Variants in GPR158 observed in about 807,000 individuals in gnomAD.
The protein encoded by GPR158 is G protein-coupled receptor 158.
In GPR158, 30 loss-of-function variants were observed where a neutral mutation model predicts 78.2. The ratio of observed to expected loss-of-function variants is 0.38; its 90% CI spans 0.29 to 0.52. GPR158 has a LOEUF of 0.52. GPR158 is among the 20% of genes least tolerant of loss of function. The pLI is 0.83. For missense variants in GPR158, 1,463 were observed against 1,523.5 expected (o/e 0.96, Z 0.66); for synonymous variants, 581 against 591.1 (o/e 0.98, Z 0.25).
At chr10:25,373,889 A>G (rs1040919923) in intron 2 of GPR158, among the ~76,000 whole-genome samples, 3 of 151,766 alleles carry the variant, frequency 2.0e-5, no homozygotes, top group Admixed American at 1.3e-4. Context: ...ACTTGAAAAG[A>G]ATGACATTTA....
chr10:25,339,328 T>C (rs1855271093), intron 2 of GPR158, among the ~76,000 whole-genome samples: 1 of 152,100 alleles, frequency 6.6e-6, no homozygotes, highest in Non-Finnish European at 1.5e-5. Flanking sequence ...TGTAATATCT[T>C]TAAAATTTTA....
chr10:25,473,181 T>C (rs1249647169), intron 5 of GPR158, among the ~76,000 whole-genome samples: 7 of 150,920 alleles, frequency 4.6e-5, no homozygotes. Flanking sequence ...TTGAATTTTG[T>C]CAAAGGCCTT....
At chr10:25,561,162 ATGC>A (rs1346239375) in intron 6 of GPR158, among the ~76,000 whole-genome samples, 1 of 152,190 alleles carries the variant, frequency 6.6e-6, no homozygotes, top group African/African-American at 2.4e-5. Context: ...TTAAGTAATG[ATGC>A]TATTATGCAA....
At chr10:25,390,779 CA>C (rs1411406138) in intron 2 of GPR158, among the ~76,000 whole-genome samples, 1 of 152,160 alleles carries the variant, frequency 6.6e-6, no homozygotes, top group African/African-American at 2.4e-5. Context: ...CAGAAATTTA[CA>C]TAAGTAACAA....
At chr10:25,225,701 G>C (rs964648460) in intron 2 of GPR158, among the ~76,000 whole-genome samples, 1 of 152,112 alleles carries the variant, frequency 6.6e-6, no homozygotes, top group Non-Finnish European at 1.5e-5. Flanking sequence ...CACTGGAGTG[G>C]TTGTGTTATC....
At chr10:25,399,155 G>A (rs920120424) in intron 3 of GPR158, among the ~76,000 whole-genome samples, 2 of 152,142 alleles carry the variant, frequency 1.3e-5, no homozygotes, top group Non-Finnish European at 1.5e-5. Flanking sequence ...AATGAGTGTC[G>A]AGCGAAGGGG....
intron 2 of GPR158, among the ~76,000 whole-genome samples, chr10:25,249,047 A>T (rs568144879): frequency 2.0e-4 from 30 of 151,480 alleles, no homozygotes; most frequent in Non-Finnish European, 4.0e-4. Context: ...TGTAAGTTGG[A>T]TTCCTTGGTA....
chr10:25,555,705 A>C (rs2130716673), intron 6 of GPR158, among the ~76,000 whole-genome samples: 1 of 152,250 alleles, frequency 6.6e-6, no homozygotes, highest in South Asian at 2.1e-4. Flanking sequence ...TGGTTTCTGA[A>C]GACTCTTGGG....
chr10:25,490,822 T>G (rs1035223112), intron 5 of GPR158, among the ~76,000 whole-genome samples: 3 of 151,906 alleles, frequency 2.0e-5, no homozygotes, highest in African/African-American at 7.3e-5. Flanking sequence ...ATGGGATGGC[T>G]GGGTCAAATG....
intron 4 of GPR158, among the ~76,000 whole-genome samples, chr10:25,417,668 G>A (rs1157786647): frequency 6.6e-6 from 1 of 152,162 alleles, no homozygotes; most frequent in African/African-American, 2.4e-5. Flanking sequence ...GTGAAGCTAT[G>A]TGCTATTATA....
chr10:25,256,672 G>A (rs1853893097), intron 2 of GPR158, among the ~76,000 whole-genome samples: 1 of 151,896 alleles, frequency 6.6e-6, no homozygotes, highest in Admixed American at 6.6e-5. Flanking sequence ...GTGACAGAGT[G>A]AGACTCTATT....
In GPR158 at chr10:25,399,874, T is replaced by C. The variant is rs1177967663; in HGVS notation, c.1111+3861T>C. 2.0e-5 allele frequency among the ~76,000 whole-genome samples: 3 copies of C among 152,322 alleles called. No homozygotes were observed. In the East Asian group the frequency reaches 5.8e-4, roughly 29 times the overall value. On this transcript the variant is annotated intron_variant, in intron 3 of 10. Coordinates refer to ENST00000376351, the MANE Select transcript of GPR158 (RefSeq NM_020752.3). ...CAAGTTATAGGGAATGTTATTTTTA[T>C]ACTTTCTTGATGAGGTATCTGTGAG...
chr10:25,507,445 G>A (rs941273569), intron 5 of GPR158, among the ~76,000 whole-genome samples: 1 of 152,148 alleles, frequency 6.6e-6, no homozygotes, highest in Non-Finnish European at 1.5e-5. Flanking sequence ...TAAAACATAG[G>A]TGATTGGGAG....
chr10:25,509,004 A>C (rs1471222625), intron 5 of GPR158, among the ~76,000 whole-genome samples: 1 of 152,126 alleles, frequency 6.6e-6, no homozygotes, highest in Non-Finnish European at 1.5e-5. Context: ...GCTCAAAGCT[A>C]TTGGCCTCGT....
intron 2 of GPR158, among the ~76,000 whole-genome samples, chr10:25,318,726 A>G (rs766075019): frequency 1.3e-5 from 2 of 152,168 alleles, no homozygotes. Context: ...TATGATCACC[A>G]TTATTTTAGC....
chr10:25,501,615 T>C (rs1224017729), intron 5 of GPR158, among the ~76,000 whole-genome samples: 1 of 152,174 alleles, frequency 6.6e-6, no homozygotes, highest in African/African-American at 2.4e-5. Flanking sequence ...GGACTGGGGC[T>C]GCACCCCACA....
intron 2 of GPR158, among the ~76,000 whole-genome samples, chr10:25,303,022 G>C (rs1854621722): frequency 6.6e-6 from 1 of 152,204 alleles, no homozygotes. Flanking sequence ...ATTAGGCAAA[G>C]ACTCTCATGG....
chr10:25,559,677 G>A (rs2130720116), intron 6 of GPR158, among the ~76,000 whole-genome samples: 1 of 152,258 alleles, frequency 6.6e-6, no homozygotes, highest in South Asian at 2.1e-4. Context: ...TAATCCTAAT[G>A]TTATAAAATA....
intron 2 of GPR158, among the ~76,000 whole-genome samples, chr10:25,388,587 A>G (rs765988583): frequency 1.1e-4 from 16 of 152,338 alleles, no homozygotes; most frequent in South Asian, 2.1e-4. Context: ...AGCTATCGCA[A>G]TGAGGCCAGG....
Sources: gnomAD v4.1 joint callset for allele counts (sites outside exome capture counted in the v4.1 genomes callset) on GRCh38, gnomAD v4.1.1 for gene constraint, MANE v1.5 for transcripts, NCBI Gene and HGNC (gene_info 2026-07-23, HGNC 2026-07-21) for gene names.